MUC17: variants seen among roughly 807,000 people sequenced by gnomAD.
The protein encoded by MUC17 is mucin-17.
In MUC17, 190 loss-of-function variants were observed where a neutral mutation model predicts 170.3. That is an observed-to-expected ratio of 1.12 (90% CI 0.99 to 1.26). The LOEUF is 1.26. Among genes scored for constraint, MUC17 ranks in the 50% most tolerant of loss-of-function variants. The pLI, the probability that MUC17 is intolerant of heterozygous loss-of-function variation, is 0.00. For synonymous variants in MUC17, 2,325 were observed against 2,002.5 expected (o/e 1.16, Z -4.30); for missense variants, 6,415 against 5,530.0 (o/e 1.16, Z -5.08).
Position 101,048,110 on chromosome 7 carries a change from A to T in MUC17, c.12530A>T (p.Asp4177Val), listed in dbSNP as rs1794874430. ...ELCEEVVSSI[D>V]IGPPETISAQ... The stretch of plus-strand genomic sequence containing the variant: ...TGTGAGGAGGTGGTCAGCAGCATTG[A>T]CATAGGTGAGTGCAACCCCAGGCCT... The change falls in exon 4 of 13, where the codon GAC becomes GTC. Residue 4177 changes from aspartate (D) to valine (V), a missense_variant. By Grantham distance (152) the Asp-to-Val change is radical. Coordinates refer to ENST00000306151, the MANE Select transcript of MUC17 (RefSeq NM_001040105.2). The T allele has an allele frequency of 1.9e-6, 3 of 1,593,822 alleles. No individual in the cohort carries two copies. The highest frequency in any genetic ancestry group is 1.7e-6 in the Non-Finnish European group (2 of 1,170,958).
At position 101,039,722 on chromosome 7, in the gene MUC17, G is replaced by A; in HGVS notation, c.8306G>A (p.Ser2769Asn). The A allele has an allele frequency of 3.1e-6, 5 of 1,610,850 alleles. No homozygotes were observed. Among genetic ancestry groups the A allele is most frequent in the Non-Finnish European group, 4.2e-6 (5 of 1,178,164 alleles). ...CTGCCAGTGGCCAGTTCTGAGGCTA[G>A]CACCGTTTCAACAACTGCTGTTGAC... ...STLPVASSEA[S>N]TVSTTAVDTS... The change falls in exon 3 of 13, where the codon AGC becomes AAC. Residue 2769 changes from serine to asparagine, a missense_variant. Physicochemically the swap from Ser to Asn is conservative, Grantham distance 46. Coordinates refer to ENST00000306151, the MANE Select transcript of MUC17 (RefSeq NM_001040105.2).
chr7:101,045,558 A>G (rs752903436), intron 3 of MUC17, among the ~76,000 whole-genome samples: 6 of 151,954 alleles, frequency 3.9e-5, no homozygotes, highest in Non-Finnish European at 7.4e-5. Context: ...ACATCCAGCT[A>G]ATTTTTGTAT....
At position 101,035,799 on chromosome 7, in the gene MUC17, T is replaced by A; in HGVS notation, c.4383T>A (p.Pro1461=). The A allele has an allele frequency of 6.2e-7, 1 of 1,606,720 alleles. No individual in the cohort carries two copies. Among genetic ancestry groups the A allele is most frequent in the South Asian group, 1.1e-5 (1 of 89,846 alleles). ...SEGKTPLKSI[P]VSNTPVANSE... ...GAAAGACTCCATTAAAAAGTATACC[T>A]GTCAGCAACACGCCGGTGGCCAATT... Residue 1461 remains proline (P), a synonymous_variant, in exon 3 of 13, where the codon CCT becomes CCA. Transcript: ENST00000306151.
rs1315862289 is a variant in MUC17 at position 101,036,542 on chromosome 7, C to A, written c.5126C>A (p.Thr1709Asn). ...CCGGTGGCCAGCTCTGCAATCAGCA[C>A]CCTTTCAACAACTCCCGTTGACAAC... ...TTPVASSAIS[T>N]LSTTPVDNST... Residue 1709 changes from threonine to asparagine, a missense_variant, in exon 3 of 13, where the codon ACC becomes AAC. Coordinates refer to ENST00000306151, the MANE Select transcript of MUC17 (RefSeq NM_001040105.2). 6.2e-7 allele frequency: 1 copy of A among 1,611,192 alleles called. No individual in the cohort carries two copies. The highest frequency in any genetic ancestry group is 1.3e-5 in the African/African-American group (1 of 74,730).
Position 101,033,467 on chromosome 7 carries a change from C to A in MUC17, c.2051C>A (p.Thr684Asn), listed in dbSNP as rs774965382. Residue 684 changes from threonine to asparagine, a missense_variant, in exon 3 of 13, where the codon ACT becomes AAT. Coordinates refer to ENST00000306151, the MANE Select transcript of MUC17 (RefSeq NM_001040105.2). The part of the protein sequence containing the change: ...EGTSMPTSTY[T>N]EGSTPLTSMP... ...ACCAGCATGCCAACCTCAACTTATA[C>A]TGAAGGAAGCACTCCATTAACAAGT... 1.9e-6 allele frequency: 3 copies of A among 1,606,568 alleles called. No individual in the cohort carries two copies. The highest frequency in any genetic ancestry group is 2.3e-5 in the East Asian group (1 of 44,364).
Position 101,036,251 on chromosome 7 carries a change from C to A in MUC17, c.4835C>A (p.Ser1612Ter). The A allele has an allele frequency of 6.2e-7, 1 of 1,614,028 alleles. No individual in the cohort carries two copies. ...GTGACCGCTTCTACTGAAGCCAGTT[C>A]ATCTACAACCGCTGAAGGTAGCAGC... ...TQVTASTEAS[S>*]STTAEGSSMT... The change falls in exon 3 of 13, where the codon TCA (serine) becomes TAA (stop). Residue 1612 changes from serine to a stop codon, truncating the protein, a stop_gained. Transcript: ENST00000306151. LOFTEE classifies it high-confidence loss of function.
Position 101,033,524 on chromosome 7 carries a change from C to T in MUC17, c.2108C>T (p.Ser703Phe), listed in dbSNP as rs774676936. 115 of 1,614,132 alleles carry T rather than the reference C, an allele frequency of 7.1e-5. No homozygotes were observed. The highest frequency in any genetic ancestry group is 9.7e-5 in the Non-Finnish European group (115 of 1,180,018). ...GTCAACACCACACTGGTGGCCAGTT[C>T]TGAGGCTAGCACCCTTTCAACAACT... ...MPVNTTLVAS[S>F]EASTLSTTPV... The change falls in exon 3 of 13, where the codon TCT becomes TTT. Residue 703 changes from serine (S) to phenylalanine (F), a missense_variant. Physicochemically the swap from Ser to Phe is radical, Grantham distance 155. Coordinates refer to ENST00000306151, the MANE Select transcript of MUC17 (RefSeq NM_001040105.2).
chr7:101,032,776 T>C lies in MUC17; in HGVS notation c.1360T>C (p.Leu454=). Reference sequence around the variant, plus strand: ...AACTCCTAGTGAAGGAAGCACTCCATTAACAAGTATGCCTGTCAGCACCAC... The same window carrying C: ...AACTCCTAGTGAAGGAAGCACTCCACTAACAAGTATGCCTGTCAGCACCAC... ...TSTPSEGSTP[L]TSMPVSTTPV... is the part of the protein sequence containing the mutation. Residue 454 remains leucine (L), a synonymous_variant, in exon 3 of 13, where the codon TTA becomes CTA. Coordinates refer to ENST00000306151, the MANE Select transcript of MUC17 (RefSeq NM_001040105.2). 6.2e-7 allele frequency: 1 copy of C among 1,614,092 alleles called. No homozygotes were observed. The highest frequency in any genetic ancestry group is 8.5e-7 in the Non-Finnish European group (1 of 1,179,992).
chr7:101,050,436 G>A, intron 6 of MUC17, 48 bp from the exon 7 acceptor site: 1 of 1,588,646 alleles, frequency 6.3e-7, no homozygotes. Flanking sequence ...AGATTCTAGA[G>A]GTAAGCACCC....
In MUC17 at chr7:101,032,930, C is replaced by T; in HGVS notation, c.1514C>T (p.Thr505Ile). ...GAAGTTAACAGCATGCCAACCTCAA[C>T]TCCTAGTGAAGGAAGCACTCCATTA... ...TAEVNSMPTS[T>I]PSEGSTPLTS... Residue 505 changes from threonine (T) to isoleucine (I), a missense_variant, in exon 3 of 13, where the codon ACT (threonine) becomes ATT (isoleucine). By Grantham distance (89) the Thr-to-Ile change is moderately conservative. Coordinates refer to ENST00000306151, the MANE Select transcript of MUC17 (RefSeq NM_001040105.2). 1 of 1,614,126 alleles carries T rather than the reference C, an allele frequency of 6.2e-7. No homozygotes were observed.
At position 101,041,568 on chromosome 7, in the gene MUC17, T is replaced by C. The variant is rs1385955865; in HGVS notation, c.10152T>C (p.Ala3384=). The change falls in exon 3 of 13, where the codon GCT becomes GCC. Residue 3384 remains alanine (A), a synonymous_variant. Coordinates refer to ENST00000306151, the MANE Select transcript of MUC17 (RefSeq NM_001040105.2). ...STEASLSPTT[A]EGTSIPTSSP... Reference sequence around the variant, plus strand: ...AAGCCAGTTTATCTCCTACAACTGCTGAAGGTACCAGCATACCAACCTCAA... The same window carrying C: ...AAGCCAGTTTATCTCCTACAACTGCCGAAGGTACCAGCATACCAACCTCAA... The C allele has an allele frequency of 1.2e-6, 2 of 1,613,288 alleles. No individual in the cohort carries two copies. Among genetic ancestry groups the C allele is most frequent in the East Asian group, 4.5e-5 (2 of 44,834 alleles).
In MUC17 at chr7:101,043,445, C is replaced by T. The variant is rs1350848012; in HGVS notation, c.12029C>T (p.Ala4010Val). Residue 4010 changes from alanine (A) to valine (V), a missense_variant, in exon 3 of 13, where the codon GCC becomes GTC. Coordinates refer to ENST00000306151, the MANE Select transcript of MUC17 (RefSeq NM_001040105.2). ...CTCACATATGTGACCATGTCTACTG[C>T]CCCCAGCACACCCAGAACAACCAGC... ...APLTYVTMST[A>V]PSTPRTTSRG... 1 of 1,614,160 alleles carries T rather than the reference C, an allele frequency of 6.2e-7. No individual in the cohort carries two copies. Among genetic ancestry groups the T allele is most frequent in the Non-Finnish European group, 8.5e-7 (1 of 1,180,034 alleles).
Position 101,043,643 on chromosome 7 carries a change from C to T in MUC17, c.12227C>T (p.Thr4076Ile). 6.2e-7 allele frequency: 1 copy of T among 1,614,174 alleles called. No homozygotes were observed. The highest frequency in any genetic ancestry group is 8.5e-7 in the Non-Finnish European group (1 of 1,180,030). Residue 4076 changes from threonine (T) to isoleucine (I), a missense_variant, in exon 3 of 13, where the codon ACA (threonine) becomes ATA (isoleucine). Transcript: ENST00000306151. ...FPPAHSSTPPTTSASSTTVNP... is the reference protein window; with the variant it reads ...FPPAHSSTPPITSASSTTVNP... The stretch of plus-strand genomic sequence containing the variant: ...CCTGCTCACTCCAGTACACCTCCAA[C>T]AACCTCTGCCTCCTCCACGACTGTG...
chr7:101,036,730 A>T lies in MUC17; in HGVS notation c.5314A>T (p.Thr1772Ser), dbSNP rs768311763. ...LSSEASTLSA[T>S]PIDTSTPVTT... ...TTCTGAGGCTAGCACCCTTTCAGCA[A>T]CTCCTATTGACACCAGCACCCCTGT... Residue 1772 changes from threonine to serine, a missense_variant, in exon 3 of 13, where the codon ACT becomes TCT. By Grantham distance (58) the Thr-to-Ser change is moderately conservative. Coordinates refer to ENST00000306151, the MANE Select transcript of MUC17 (RefSeq NM_001040105.2). 2.5e-6 allele frequency: 4 copies of T among 1,612,288 alleles called. No individual in the cohort carries two copies. The South Asian group carries it at 3.3e-5, about 13-fold the overall frequency.
At chr7:101,048,522 G>T (rs1360414233) in intron 4 of MUC17, among the ~76,000 whole-genome samples, 1 of 151,558 alleles carries the variant, frequency 6.6e-6, no homozygotes, top group Non-Finnish European at 1.5e-5. Context: ...CTTGAGCCCA[G>T]GAGGTCAAGA....
chr7:101,052,055 A>AGTCCCATGACCTT, intron 9 of MUC17, 93 bp downstream of exon 9: 1 of 1,439,992 alleles, frequency 6.9e-7, no homozygotes, highest in Non-Finnish European at 9.5e-7. Context: ...CTGGAGACCA[A>AGTCCCATGACCTT]GGTCATGGGA....
Position 101,036,865 on chromosome 7 carries a change from C to G in MUC17, c.5449C>G (p.His1817Asp), listed in dbSNP as rs1190633721. 6.2e-7 allele frequency: 1 copy of G among 1,605,664 alleles called. No homozygotes were observed. The highest frequency in any genetic ancestry group is 2.3e-5 in the East Asian group (1 of 44,204). ...MTPLTSTPVS[H>D]TLVANSEAST... Reference sequence around the variant, plus strand: ...TCCATTAACAAGCACACCTGTCAGCCACACGCTGGTGGCCAATTCTGAGGC... The same window carrying G: ...TCCATTAACAAGCACACCTGTCAGCGACACGCTGGTGGCCAATTCTGAGGC... The change falls in exon 3 of 13, where the codon CAC becomes GAC. Residue 1817 changes from histidine to aspartate, a missense_variant. Transcript: ENST00000306151.
rs1359914157 is a variant in MUC17 at position 101,049,309 on chromosome 7, C to A, written c.12664-15C>A. The A allele has an allele frequency of 6.2e-7, 1 of 1,614,114 alleles. No individual in the cohort carries two copies. The highest frequency in any genetic ancestry group is 1.3e-5 in the African/African-American group (1 of 75,040). Reference sequence around the variant, plus strand: ...TGGTCCCTCTGGGATGACACAGTGGCCCCTTGCCTTTCAGATGAATATTGT... The same window carrying A: ...TGGTCCCTCTGGGATGACACAGTGGACCCTTGCCTTTCAGATGAATATTGT... On this transcript the variant is annotated splice_polypyrimidine_tract_variant and intron_variant, in intron 5 of 12. Transcript: ENST00000306151.
In MUC17 at chr7:101,042,375, C is replaced by G. The variant is rs1436315414; in HGVS notation, c.10959C>G (p.Gly3653=). The G allele has an allele frequency of 6.2e-7, 1 of 1,614,084 alleles. No homozygotes were observed. Among genetic ancestry groups the G allele is most frequent in the Non-Finnish European group, 8.5e-7 (1 of 1,179,968 alleles). ...STTSVTISEA[G]TASTLPVDTS... is the part of the protein sequence containing the mutation. ...CATCGGTGACCATTTCTGAGGCTGG[C>G]ACAGCTTCAACACTTCCTGTTGACA... The change falls in exon 3 of 13, where the codon GGC becomes GGG. Residue 3653 remains glycine (G), a synonymous_variant. Transcript: ENST00000306151.
Sources: allele counts gnomAD v4.1 joint callset (sites outside exome capture counted in the v4.1 genomes callset), GRCh38; gene constraint gnomAD v4.1.1; transcripts MANE v1.5; gene names NCBI Gene and HGNC (gene_info 2026-07-23, HGNC 2026-07-21).